NFATC1: variants seen among roughly 807,000 people sequenced by gnomAD.
NFATC1 encodes the protein nuclear factor of activated T cells 1, also known as nuclear factor of activated T-cells, cytoplasmic 1.
NFATC1 carries 22 observed loss-of-function variants against 76.0 expected under a neutral mutation model. That is an observed-to-expected ratio of 0.29 (90% CI 0.21 to 0.41). NFATC1 has a LOEUF of 0.41. NFATC1 is among the 10% of genes least tolerant of loss of function. NFATC1 has a pLI of 1.00. For missense variants in NFATC1, 1,357 were observed against 1,337.7 expected, an observed-to-expected ratio of 1.01 and a Z score of -0.23; for synonymous variants, 704 against 613.1, an observed-to-expected ratio of 1.15 and a Z score of -2.19.
At chr18:79,406,741 C>T (rs904289999) in intron 1 of NFATC1, among the ~76,000 whole-genome samples, 1 of 152,180 alleles carries the variant, frequency 6.6e-6, no homozygotes, top group Non-Finnish European at 1.5e-5. Flanking sequence ...CCAGGAGCCG[C>T]AGGCCTGCGC....
At chr18:79,433,553 G>A (rs755120103) in intron 2 of NFATC1, 26 bp from the exon 3 acceptor site, 43 of 1,612,100 alleles carry the variant, frequency 2.7e-5, no homozygotes, top group East Asian at 1.6e-4. Flanking sequence ...GGTGCTGAAC[G>A]CCTCCTCTGC....
chr18:79,437,058 C>A (rs1600709315), intron 3 of NFATC1, among the ~76,000 whole-genome samples: 1 of 152,166 alleles, frequency 6.6e-6, no homozygotes, highest in Non-Finnish European at 1.5e-5. Context: ...AAGAGCGGGG[C>A]CCTGGAGCCG....
intron 3 of NFATC1, among the ~76,000 whole-genome samples, chr18:79,447,785 G>A (rs765135019): frequency 3.9e-5 from 6 of 152,252 alleles, no homozygotes; most frequent in Non-Finnish European, 5.9e-5. Context: ...TATAGTGATT[G>A]TAAATGGTAG....
chr18:79,449,688 G>A (rs1363146139), intron 4 of NFATC1, among the ~76,000 whole-genome samples: 6 of 152,286 alleles, frequency 3.9e-5, no homozygotes, highest in South Asian at 4.1e-4. Context: ...GGGCAGGGAC[G>A]GCGTCCTGCG....
intron 6 of NFATC1, among the ~76,000 whole-genome samples, chr18:79,452,583 G>A (rs1187770396): frequency 2.6e-5 from 4 of 152,216 alleles, no homozygotes; most frequent in Admixed American, 6.5e-5. Context: ...GGGTGGCCTC[G>A]CCGGCTCCGA....
At chr18:79,406,159 G>A (rs1213995098) in intron 1 of NFATC1, among the ~76,000 whole-genome samples, 3 of 152,230 alleles carry the variant, frequency 2.0e-5, no homozygotes, top group Non-Finnish European at 2.9e-5. Flanking sequence ...GACTTGCTCT[G>A]TTAATTGCTA....
At chr18:79,480,736 G>A (rs533685032) in intron 8 of NFATC1, among the ~76,000 whole-genome samples, 11 of 152,196 alleles carry the variant, frequency 7.2e-5, no homozygotes, top group Non-Finnish European at 1.2e-4. Flanking sequence ...CCCGTGGGGC[G>A]GCTGATTTAC....
At chr18:79,508,673 C>G (rs1213216189) in intron 9 of NFATC1, among the ~76,000 whole-genome samples, 1 of 151,926 alleles carries the variant, frequency 6.6e-6, no homozygotes, top group Non-Finnish European at 1.5e-5. Flanking sequence ...CTCTCTGTCT[C>G]CCTTCCTCCC....
intron 2 of NFATC1, among the ~76,000 whole-genome samples, chr18:79,427,710 GTTGGGGGGGT>G (rs1405086979): frequency 6.3e-4 from 56 of 88,666 alleles, no homozygotes; most frequent in South Asian, 2.5e-3. Context: ...AGTGGGTGGG[GTTGGGGGGGT>G]GCTGGACGGC....
At chr18:79,511,360 A>G (rs1358322870) in intron 9 of NFATC1, among the ~76,000 whole-genome samples, 1 of 151,970 alleles carries the variant, frequency 6.6e-6, no homozygotes, top group Non-Finnish European at 1.5e-5. Context: ...TCGCCACACG[A>G]TGGGTCATGG....
rs1395985277 is a variant in NFATC1 at position 79,410,824 on chromosome 18, C to A, written c.549C>A (p.Asn183Lys). The A allele has an allele frequency of 3.7e-6, 6 of 1,611,886 alleles. No homozygotes were observed. The South Asian group carries it at 6.6e-5, about 18-fold the overall frequency. ...PASSLSSRSC[N>K]SEASSYESNY... ...GCAGCCTGTCCTCCCGGAGCTGCAA[C>A]TCAGAGGCCTCCTCCTACGAGTCCA... The change falls in exon 2 of 10, where the codon AAC becomes AAA. Residue 183 changes from asparagine (N) to lysine (K), a missense_variant. Physicochemically the swap from Asn to Lys is moderately conservative, Grantham distance 94. Coordinates refer to ENST00000427363, the MANE Select transcript of NFATC1 (RefSeq NM_001278669.2). The surrounding 1 kb of genome is among the most constrained non-coding windows in gnomAD (Gnocchi z 6.7).
In NFATC1 at chr18:79,415,296, T is replaced by A. The variant is rs138000710; in HGVS notation, c.1226+3795T>A. On this transcript the variant is annotated intron_variant, in intron 2 of 9. Coordinates refer to ENST00000427363, the MANE Select transcript of NFATC1 (RefSeq NM_001278669.2). ...TTCTTTTTATTTTATTTATTTATTT[T>A]TTTTGAGATGGAGTCTCGCTCTGTC... Among the ~76,000 whole-genome samples, 1,348 of 152,328 alleles carry A rather than the reference T, an allele frequency of 8.8e-3. 8 individuals are homozygous for A. The highest frequency in any genetic ancestry group is 0.024 in the Middle Eastern group (7 of 294).
chr18:79,449,014 C>T (rs755341295), intron 4 of NFATC1, 30 bp downstream of exon 4: 1 of 1,606,542 alleles, frequency 6.2e-7, no homozygotes, highest in East Asian at 2.2e-5. Flanking sequence ...CGGCCTCTGG[C>T]AGGGGGCGGT....
At position 79,429,442 on chromosome 18, in the gene NFATC1, A is replaced by C. The variant is rs540267020; in HGVS notation, c.1227-4137A>C. Among the ~76,000 whole-genome samples, 29 of 151,670 alleles carry C rather than the reference A, an allele frequency of 1.9e-4. 1 individual carries two copies. In the South Asian group the frequency reaches 6.0e-3, roughly 32 times the overall value. ...TTGACTTATGTTGAAGATGAGTTTG[A>C]AGTTGTTGGAATTATCTCAGTCCTG... On this transcript the variant is annotated intron_variant, in intron 2 of 9. Coordinates refer to ENST00000427363, the MANE Select transcript of NFATC1 (RefSeq NM_001278669.2).
chr18:79,441,087 G>A (rs769056497), intron 3 of NFATC1, among the ~76,000 whole-genome samples: 1 of 152,230 alleles, frequency 6.6e-6, no homozygotes, highest in African/African-American at 2.4e-5. Context: ...CTGCGGAGCC[G>A]AGACGCACCA....
At chr18:79,481,002 G>A (rs561631390) in intron 8 of NFATC1, among the ~76,000 whole-genome samples, 6 of 152,316 alleles carry the variant, frequency 3.9e-5, no homozygotes, top group South Asian at 2.1e-4. Context: ...TTGGCCATTC[G>A]GGACACCAGC....
chr18:79,467,263 T>G (rs2088549352), intron 7 of NFATC1, among the ~76,000 whole-genome samples, 187 bp from the exon 8 acceptor site: 2 of 133,330 alleles, frequency 1.5e-5, no homozygotes, highest in African/African-American at 8.3e-5. Context: ...GGTGGCTGCT[T>G]GGGAGTTTAC....
chr18:79,429,242 G>GGA (rs1181528497), intron 2 of NFATC1, among the ~76,000 whole-genome samples: 2 of 146,158 alleles, frequency 1.4e-5, no homozygotes, highest in Admixed American at 6.8e-5. Flanking sequence ...AAAAAAAAAT[G>GGA]GAGAGAGAGA....
chr18:79,424,792 ACTCTCTGTGTCTGTCTGTCTCTGT>A (rs2086234751), intron 2 of NFATC1, among the ~76,000 whole-genome samples: 1 of 64,670 alleles, frequency 1.5e-5, no homozygotes, highest in Non-Finnish European at 3.4e-5. Flanking sequence ...TCTGTCTCTG[ACTCTCTGTGTCTGTCTGTCTCTGT>A]CTCTCTGTCT....
Sources: allele counts gnomAD v4.1 joint callset (sites outside exome capture counted in the v4.1 genomes callset), GRCh38; gene constraint gnomAD v4.1.1; non-coding constraint Gnocchi (gnomAD v3.1); transcripts MANE v1.5; gene names NCBI Gene and HGNC (gene_info 2026-07-23, HGNC 2026-07-21).